Variants in NT5C2 observed in about 807,000 individuals in gnomAD.
The protein encoded by NT5C2 is cytosolic purine 5'-nucleotidase.
Under a neutral mutation model 76.1 loss-of-function variants are expected in NT5C2, and 58 were observed. The observed-to-expected ratio is 0.76, with a 90% CI of 0.62 to 0.95. The LOEUF is 0.95. Ranked by LOEUF, NT5C2 falls within the 40% of genes least tolerant of loss-of-function variation. The pLI is 0.00. For missense variants in NT5C2, 478 were observed against 690.3 expected (o/e 0.69, Z 3.45); for synonymous variants, 229 against 237.4 (o/e 0.96, Z 0.32).
At chr10:103,166,848 T>C (rs1208709602) in intron 3 of NT5C2, among the ~76,000 whole-genome samples, 1 of 152,072 alleles carries the variant, frequency 6.6e-6, no homozygotes, top group Non-Finnish European at 1.5e-5. Flanking sequence ...AGACAGGGTA[T>C]CATTATGTTC....
chr10:103,160,474 C>T (rs560250004), intron 3 of NT5C2, among the ~76,000 whole-genome samples: 11 of 152,208 alleles, frequency 7.2e-5, no homozygotes, highest in Admixed American at 3.9e-4. Flanking sequence ...GCCCACAGAA[C>T]AGGAGACAAT....
At chr10:103,114,922 T>C (rs1203245327) in intron 4 of NT5C2, among the ~76,000 whole-genome samples, 1 of 152,228 alleles carries the variant, frequency 6.6e-6, no homozygotes, top group East Asian at 1.9e-4. Context: ...ATTAGTGTCT[T>C]ATTCATAAGG....
rs1281111612 is a variant in NT5C2, at chr10:103,090,123, G to A, written c.1450-215C>T. On this transcript the variant is annotated intron_variant, in intron 18 of 18. Coordinates refer to ENST00000404739, the MANE Select transcript of NT5C2 (RefSeq NM_001351169.2). ...AATGGTGCCCATATTGTCTACTGCA[G>A]CTGGAAATTGGAAAAGATGGAGAGG... 6 of 443,208 alleles carry A rather than the reference G, an allele frequency of 1.4e-5. No homozygotes were observed. The Admixed American group carries it at 2.3e-4, about 17-fold the overall frequency. 27.5% of individuals were successfully genotyped at this position (443,208 alleles called of 1,614,324 possible). A position where few individuals can be genotyped will look rare whatever the true frequency, so the allele number is the denominator to read the frequency against.
chr10:103,110,840 G>C (rs547334821), intron 4 of NT5C2, among the ~76,000 whole-genome samples: 1 of 152,232 alleles, frequency 6.6e-6, no homozygotes, highest in South Asian at 2.1e-4. Context: ...ACGCAGAATT[G>C]CAGCCACACA....
At chr10:103,166,072 A>C (rs4917996) in intron 3 of NT5C2, among the ~76,000 whole-genome samples, 62,374 of 152,170 alleles carry the variant, frequency 0.41, 12,996 homozygotes, top group East Asian at 0.56. Flanking sequence ...AACCCTTCAC[A>C]CAGTGTCCCC....
intron 3 of NT5C2, among the ~76,000 whole-genome samples, chr10:103,164,233 G>T (rs924833362): frequency 2.6e-5 from 4 of 151,990 alleles, no homozygotes; most frequent in African/African-American, 9.7e-5. Flanking sequence ...GGGCAACAGT[G>T]AAATCGTGTC....
At chr10:103,190,389 A>G (rs573471167) in intron 1 of NT5C2, among the ~76,000 whole-genome samples, 5 of 152,096 alleles carry the variant, frequency 3.3e-5, no homozygotes, top group African/African-American at 1.2e-4. Context: ...CAATACATCC[A>G]CTTCAGCATC....
chr10:103,192,030 T>C (rs1433160105), intron 1 of NT5C2, among the ~76,000 whole-genome samples: 1 of 152,036 alleles, frequency 6.6e-6, no homozygotes, highest in African/African-American at 2.4e-5. Flanking sequence ...CAGGCCTGGA[T>C]GTCTTCATCT....
At chr10:103,116,152 T>G (rs1196748554) in intron 4 of NT5C2, among the ~76,000 whole-genome samples, 3 of 152,154 alleles carry the variant, frequency 2.0e-5, no homozygotes, top group African/African-American at 7.2e-5. Context: ...TTATTGGTAT[T>G]TTTTTAGTTT....
intron 8 of NT5C2, among the ~76,000 whole-genome samples, 174 bp from the exon 9 acceptor site, chr10:103,100,193 T>C (rs891311668): frequency 6.6e-6 from 1 of 152,220 alleles, no homozygotes; most frequent in South Asian, 2.1e-4. Context: ...GAAATGGCTA[T>C]AGTGTTCAAT....
chr10:103,190,352 G>A (rs1049334379), intron 1 of NT5C2, among the ~76,000 whole-genome samples: 1 of 152,088 alleles, frequency 6.6e-6, no homozygotes, highest in African/African-American at 2.4e-5. Context: ...AACCCTTTTA[G>A]TGAGAACAAT....
intron 12 of NT5C2, 64 bp downstream of exon 12, chr10:103,095,875 T>G (rs996312052): frequency 1.4e-6 from 2 of 1,430,030 alleles, no homozygotes; most frequent in African/African-American, 2.8e-5. Flanking sequence ...CCCCTTAATA[T>G]TCCAGAATGA....
chr10:103,168,320 T>C (rs1455972545), intron 3 of NT5C2, among the ~76,000 whole-genome samples: 2 of 152,226 alleles, frequency 1.3e-5, no homozygotes, highest in Non-Finnish European at 2.9e-5. Context: ...AGCCAATTCA[T>C]TGTCCTACAG....
At position 103,125,057 on chromosome 10, in the gene NT5C2, C is replaced by T. The variant is rs562614548; in HGVS notation, c.175+14349G>A. ...TACGATTTTCCCTCCTGTGCATTTT[C>T]GTCTTGCTTCTTCACGGTCTATGAT... On this transcript the variant is annotated intron_variant, in intron 4 of 18. Transcript: ENST00000404739. 2.2e-5 allele frequency: 6 copies of T among 273,694 alleles called. No homozygotes were observed. In the East Asian group the frequency reaches 3.0e-4, roughly 14 times the overall value. 17.0% of individuals were successfully genotyped at this position (273,694 alleles called of 1,614,324 possible).
At chr10:103,191,873 T>C (rs1313817385) in intron 1 of NT5C2, among the ~76,000 whole-genome samples, 6 of 152,236 alleles carry the variant, frequency 3.9e-5, no homozygotes, top group Non-Finnish European at 7.3e-5. Context: ...AATAAGTCTG[T>C]GTATGCTAGT....
chr10:103,101,014 T>C (rs1356120870), intron 8 of NT5C2, 31 bp downstream of exon 8: 1 of 1,202,116 alleles, frequency 8.3e-7, no homozygotes, highest in East Asian at 2.4e-5. Flanking sequence ...TAAAAATCAA[T>C]TGGAAAAAAA....
At chr10:103,138,871 G>T (rs1196055216) in intron 4 of NT5C2, among the ~76,000 whole-genome samples, 1 of 152,138 alleles carries the variant, frequency 6.6e-6, no homozygotes, top group Non-Finnish European at 1.5e-5. Context: ...GCCGGGTGTG[G>T]TGGTGCATGC....
chr10:103,128,045 C>CTCTCCT (rs2077006241), intron 4 of NT5C2, among the ~76,000 whole-genome samples: 1 of 12,202 alleles, frequency 8.2e-5, no homozygotes, highest in Admixed American at 5.8e-4. Context: ...ATGATCCGGT[C>CTCTCCT]TCTCCCTCTC....
Position 103,091,349 on chromosome 10 carries a change from C to CT in NT5C2, c.1211+214dup, listed in dbSNP as rs749980496. ...GCCACTGCGCCTGGCCTGGAAAGAA[C>CT]TTTTTTTTTTTTTGAGACGGAGTTT... On this transcript the variant is annotated intron_variant, in intron 16 of 18. Coordinates refer to ENST00000404739, the MANE Select transcript of NT5C2 (RefSeq NM_001351169.2). 0.092 allele frequency among the ~76,000 whole-genome samples: 13,332 copies of CT among 145,312 alleles called. 819 individuals carry two copies. The highest frequency in any genetic ancestry group is 0.28 in the East Asian group (1,418 of 4,978).
Sources: allele counts gnomAD v4.1 joint callset (sites outside exome capture counted in the v4.1 genomes callset), GRCh38; gene constraint gnomAD v4.1.1; transcripts MANE v1.5; gene names NCBI Gene and HGNC (gene_info 2026-07-23, HGNC 2026-07-21).